Variants in BNC2 observed in about 807,000 individuals in gnomAD.
BNC2 encodes basonuclin zinc finger protein 2, also known as zinc finger protein basonuclin-2.
Under a neutral mutation model 76.3 loss-of-function variants are expected in BNC2, and 20 were observed. The observed-to-expected ratio is 0.26, with a 90% CI of 0.18 to 0.38. BNC2 has a LOEUF of 0.38. Ranked by LOEUF, BNC2 falls within the 10% of genes least tolerant of loss-of-function variation. The pLI is 1.00. For synonymous variants in BNC2, 582 were observed against 514.8 expected (o/e 1.13, Z -1.77); for missense variants, 1,382 against 1,399.8 (o/e 0.99, Z 0.20).
At chr9:16,845,844 G>A (rs1440967141) in intron 1 of BNC2, among the ~76,000 whole-genome samples, 1 of 151,408 alleles carries the variant, frequency 6.6e-6, no homozygotes, top group African/African-American at 2.4e-5. Flanking sequence ...AAACAATGCA[G>A]AATTTATAAA....
At chr9:16,677,576 CAA>C (rs60377278) in intron 3 of BNC2, among the ~76,000 whole-genome samples, 21 of 144,812 alleles carry the variant, frequency 1.5e-4, no homozygotes, top group African/African-American at 4.9e-4. Flanking sequence ...TTGTCTCAAA[CAA>C]ACACACACAC....
intron 3 of BNC2, among the ~76,000 whole-genome samples, chr9:16,662,872 T>A (rs1587287669): frequency 6.6e-6 from 1 of 152,238 alleles, no homozygotes; most frequent in East Asian, 1.9e-4. Context: ...TAAATCAATG[T>A]GTTTTTATTA....
chr9:16,808,295 G>A (rs553312673), intron 1 of BNC2, among the ~76,000 whole-genome samples: 5 of 151,718 alleles, frequency 3.3e-5, no homozygotes, highest in African/African-American at 7.3e-5. Context: ...TTATTCTCTC[G>A]GTTTATTTCA....
intron 1 of BNC2, among the ~76,000 whole-genome samples, chr9:16,852,003 A>T (rs1353680243): frequency 6.6e-6 from 1 of 152,180 alleles, no homozygotes; most frequent in Non-Finnish European, 1.5e-5. Context: ...TTCACTTTCA[A>T]CTCAACATGA....
intron 4 of BNC2, among the ~76,000 whole-genome samples, chr9:16,562,516 C>T (rs1022914855): frequency 6.6e-6 from 1 of 152,086 alleles, no homozygotes; most frequent in Non-Finnish European, 1.5e-5. Context: ...TAGTTACAGC[C>T]TACATAATCA....
chr9:16,456,952 G>A (rs1215926186), intron 5 of BNC2, among the ~76,000 whole-genome samples: 2 of 152,124 alleles, frequency 1.3e-5, no homozygotes, highest in African/African-American at 4.8e-5. Context: ...GTTAGTACTG[G>A]TTTCTAATTA....
At chr9:16,610,912 C>T (rs1456945808) in intron 3 of BNC2, among the ~76,000 whole-genome samples, 1 of 152,122 alleles carries the variant, frequency 6.6e-6, no homozygotes, top group Non-Finnish European at 1.5e-5. Context: ...GCTGCCACTG[C>T]TGTCATACTT....
At chr9:16,512,331 A>G (rs1822776039) in intron 5 of BNC2, among the ~76,000 whole-genome samples, 1 of 152,210 alleles carries the variant, frequency 6.6e-6, no homozygotes, top group Non-Finnish European at 1.5e-5. Context: ...ATTGTTACTG[A>G]GGACACTAAA....
chr9:16,437,072 T>C lies in BNC2; in HGVS notation c.1122A>G (p.Thr374=). Residue 374 remains threonine, a synonymous_variant, in exon 6 of 7, where the codon ACA becomes ACG. Transcript: ENST00000380672. ...TGGGTGTTTGATCATTCTTATAAGG[T>C]GTGGGAGAAACTTCGGATTCGCTGC... ...NESSESEVSP[T]PYKNDQTPNR... 1 of 1,613,960 alleles carries C rather than the reference T, an allele frequency of 6.2e-7. No homozygotes were observed. The highest frequency in any genetic ancestry group is 8.5e-7 in the Non-Finnish European group (1 of 1,179,994).
At chr9:16,804,684 A>G (rs143703513) in intron 1 of BNC2, among the ~76,000 whole-genome samples, 1,622 of 152,328 alleles carry the variant, frequency 0.011, 22 homozygotes, top group Middle Eastern at 0.054. Context: ...CTCAAATATT[A>G]GTATTTGCAA....
At chr9:16,665,466 GAAAGAAAGAAAGAAAGAAAGAA>G (rs1563887999) in intron 3 of BNC2, among the ~76,000 whole-genome samples, 7 of 142,840 alleles carry the variant, frequency 4.9e-5, no homozygotes, top group East Asian at 2.1e-4. Context: ...AAGAAAGAAA[GAAAGAAAGAAAGAAAGAAAGAA>G]AGAGAGAGAG....
intron 3 of BNC2, among the ~76,000 whole-genome samples, chr9:16,670,522 T>C (rs1328650005): frequency 6.6e-6 from 1 of 152,154 alleles, no homozygotes; most frequent in Non-Finnish European, 1.5e-5. Flanking sequence ...GCTGACAACT[T>C]TCTCCCACTC....
chr9:16,488,666 A>T (rs763981440), intron 5 of BNC2, among the ~76,000 whole-genome samples: 4 of 152,196 alleles, frequency 2.6e-5, no homozygotes, highest in Non-Finnish European at 5.9e-5. Context: ...TTCCTATAAA[A>T]AGGAATGCTG....
chr9:16,571,310 A>G (rs2132850722), intron 4 of BNC2, among the ~76,000 whole-genome samples: 1 of 152,254 alleles, frequency 6.6e-6, no homozygotes, highest in African/African-American at 2.4e-5. Flanking sequence ...ATGCCTCACC[A>G]TGTCTCACAT....
intron 3 of BNC2, chr9:16,699,309 T>C (rs1241784791): frequency 2.4e-6 from 1 of 422,002 alleles, no homozygotes; most frequent in East Asian, 7.5e-5. Context: ...GAATAGTCCC[T>C]TGATGGAAAT....
intron 5 of BNC2, among the ~76,000 whole-genome samples, chr9:16,539,434 G>T (rs937443894): frequency 1.3e-5 from 2 of 151,020 alleles, no homozygotes. Context: ...AGGCTGAGGT[G>T]GGAGGATGAC....
chr9:16,678,781 G>C (rs184380312), intron 3 of BNC2, among the ~76,000 whole-genome samples: 1 of 151,448 alleles, frequency 6.6e-6, no homozygotes, highest in Non-Finnish European at 1.5e-5. Context: ...GATCCATTTA[G>C]TGCACAAAAA....
At chr9:16,517,825 G>C (rs1364785934) in intron 5 of BNC2, among the ~76,000 whole-genome samples, 2 of 152,014 alleles carry the variant, frequency 1.3e-5, no homozygotes, top group African/African-American at 4.8e-5. Context: ...AAGCAGGGTG[G>C]ACAAGTCATA....
chr9:16,777,700 C>CAAAAAAAAAA (rs3084426), intron 1 of BNC2, among the ~76,000 whole-genome samples: 1 of 100,476 alleles, frequency 1.0e-5, no homozygotes, highest in Non-Finnish European at 1.8e-5. Context: ...GACTCCATCT[C>CAAAAAAAAAA]AAAAAAAAAA....
Sources: gnomAD v4.1 joint callset for allele counts (sites outside exome capture counted in the v4.1 genomes callset) on GRCh38, gnomAD v4.1.1 for gene constraint, MANE v1.5 for transcripts, NCBI Gene and HGNC (gene_info 2026-07-23, HGNC 2026-07-21) for gene names.